Variants in EXOC5 observed in about 807,000 individuals in gnomAD.
EXOC5 encodes the protein exocyst complex component 5.
EXOC5 carries 17 observed loss-of-function variants against 90.8 expected under a neutral mutation model. The observed-to-expected ratio is 0.19, with a 90% confidence interval of 0.13 to 0.28. The LOEUF (loss-of-function observed/expected upper bound fraction) is 0.28, where lower values mean the gene tolerates loss of function less well. Among genes scored for constraint, EXOC5 ranks in the 10% least tolerant of loss-of-function variants. The pLI is 1.00. For missense variants in EXOC5, 569 were observed against 830.6 expected, an observed-to-expected ratio of 0.69 and a Z score of 3.87; for synonymous variants, 260 against 270.0, an observed-to-expected ratio of 0.96 and a Z score of 0.36.
intron 1 of EXOC5, among the ~76,000 whole-genome samples, chr14:57,264,738 G>A (rs1884620135): frequency 2.6e-5 from 4 of 152,212 alleles, no homozygotes; most frequent in Non-Finnish European, 5.9e-5. Flanking sequence ...TTTATCCTCT[G>A]TAGGTAATTC....
rs1882533070 is a variant in EXOC5 at position 57,202,377 on chromosome 14, T to C, written c.*6232A>G. ...ATTAGATAGTAGTAATATGTCAATG[T>C]TAACTTCCCAATTTTCATGTATTGT... On this transcript the variant is annotated 3_prime_UTR_variant, in exon 18 of 18. Transcript: ENST00000621441. 1 of 152,214 alleles carries C rather than the reference T, an allele frequency of 6.6e-6. No homozygotes were observed. The highest frequency in any genetic ancestry group is 1.5e-5 in the Non-Finnish European group (1 of 68,034). The allele number at this position is 152,214 out of a possible 1,614,324, so 9.4% of individuals were successfully genotyped here.
intron 1 of EXOC5, among the ~76,000 whole-genome samples, chr14:57,249,288 A>G (rs1884117152): frequency 6.6e-6 from 1 of 152,114 alleles, no homozygotes; most frequent in Admixed American, 6.6e-5. Context: ...AACTTCATAT[A>G]GTAATCATAT....
chr14:57,206,409 C>A lies in EXOC5; in HGVS notation c.*2200G>T, dbSNP rs1412432816. ...TTTTTTTTTTCCCTCAGAGAAAGAC[C>A]ATCTGTTTAGGATAAATTTCTAGTC... On this transcript the variant is annotated 3_prime_UTR_variant, in exon 18 of 18. Transcript: ENST00000621441. 1 of 154,824 alleles carries A rather than the reference C, an allele frequency of 6.5e-6. No homozygotes were observed. The highest frequency in any genetic ancestry group is 1.4e-5 in the Non-Finnish European group (1 of 70,394). The allele number at this position is 154,824 out of a possible 1,614,324, so 9.6% of individuals were successfully genotyped here.
Position 57,268,879 on chromosome 14 carries a change from A to C in EXOC5, c.-231T>G. 8.9e-7 allele frequency: 1 copy of C among 1,128,222 alleles called. No homozygotes were observed. The highest frequency in any genetic ancestry group is 1.2e-6 in the Non-Finnish European group (1 of 838,616). The allele number at this position is 1,128,222 out of a possible 1,614,324, so 69.9% of individuals were successfully genotyped here. On this transcript the variant is annotated 5_prime_UTR_variant, in exon 1 of 18. An upstream open reading frame in the 5' UTR loses its in-frame stop. Transcript: ENST00000621441. Reference sequence around the variant, plus strand: ...CGCCGCCCGCGCTGCTCCCATTGTCACCGCCTCATACGCCGGAAGTGGAAC... The same window carrying C: ...CGCCGCCCGCGCTGCTCCCATTGTCCCCGCCTCATACGCCGGAAGTGGAAC...
Position 57,207,851 on chromosome 14 carries a change from C to T in EXOC5, c.*758G>A, listed in dbSNP as rs982843540. The T allele has an allele frequency of 2.6e-5, 4 of 151,846 alleles. No homozygotes were observed. Among genetic ancestry groups the T allele is most frequent in the African/African-American group, 7.3e-5 (3 of 41,354 alleles). The allele number at this position is 151,846 out of a possible 1,614,324, so 9.4% of individuals were successfully genotyped here. On this transcript the variant is annotated 3_prime_UTR_variant, in exon 18 of 18. Coordinates refer to ENST00000621441, the MANE Select transcript of EXOC5 (RefSeq NM_006544.4). ...AAGGTCCTCCACCTTAAGTGAAATA[C>T]AAAATAAGGTAGTTTTATTAATTTC...
intron 12 of EXOC5, 69 bp from the exon 13 acceptor site, chr14:57,222,485 C>G: frequency 1.2e-6 from 1 of 815,032 alleles, no homozygotes; most frequent in Non-Finnish European, 2.0e-6. Flanking sequence ...TTTTTTTAAG[C>G]AATCAATTTT....
chr14:57,233,305 T>A (rs1217843285), intron 9 of EXOC5: 4 of 154,620 alleles, frequency 2.6e-5, no homozygotes, highest in African/African-American at 9.6e-5. Flanking sequence ...TAGGAAATGT[T>A]ATCTGAAAGT....
At chr14:57,255,977 A>G (rs1321799503) in intron 1 of EXOC5, among the ~76,000 whole-genome samples, 1 of 152,202 alleles carries the variant, frequency 6.6e-6, no homozygotes, top group Non-Finnish European at 1.5e-5. Context: ...AAGTGGGTTC[A>G]CTTATCATGA....
chr14:57,244,395 G>C, intron 3 of EXOC5, 36 bp from the exon 4 acceptor site: 3 of 1,450,744 alleles, frequency 2.1e-6, no homozygotes, highest in Non-Finnish European at 2.9e-6. Flanking sequence ...AATACAATCA[G>C]TGTGCTCAGT....
chr14:57,262,266 C>G (rs1884524207), intron 1 of EXOC5, among the ~76,000 whole-genome samples: 1 of 152,110 alleles, frequency 6.6e-6, no homozygotes, highest in South Asian at 2.1e-4. Flanking sequence ...AAAAAACCTT[C>G]TGAAGTAGAT....
intron 1 of EXOC5, among the ~76,000 whole-genome samples, chr14:57,256,134 A>T (rs935790904): frequency 6.6e-6 from 1 of 152,154 alleles, no homozygotes; most frequent in South Asian, 2.1e-4. Context: ...TTGTCTCTTT[A>T]TATCTAGGGA....
chr14:57,203,886 C>G lies in EXOC5; in HGVS notation c.*4723G>C, dbSNP rs1014982913. Reference sequence around the variant, plus strand: ...TCAGCAGCATGATGTTGACCATGTTCTAATCCATTCCACCTGCTCAAATAT... The same window carrying G: ...TCAGCAGCATGATGTTGACCATGTTGTAATCCATTCCACCTGCTCAAATAT... On this transcript the variant is annotated 3_prime_UTR_variant, in exon 18 of 18. Coordinates refer to ENST00000621441, the MANE Select transcript of EXOC5 (RefSeq NM_006544.4). 4.6e-5 allele frequency: 7 copies of G among 152,566 alleles called. No homozygotes were observed. The highest frequency in any genetic ancestry group is 1.2e-4 in the African/African-American group (5 of 41,428). The allele number at this position is 152,566 out of a possible 1,614,324, so 9.5% of individuals were successfully genotyped here.
intron 1 of EXOC5, among the ~76,000 whole-genome samples, chr14:57,263,799 G>T (rs1385115216): frequency 1.3e-5 from 2 of 149,674 alleles, no homozygotes; most frequent in Admixed American, 6.7e-5. Flanking sequence ...AACTCCTATG[G>T]TCTCAATGCC....
chr14:57,237,286 C>A, intron 6 of EXOC5, 52 bp downstream of exon 6: 1 of 934,886 alleles, frequency 1.1e-6, no homozygotes, highest in Non-Finnish European at 1.7e-6. Flanking sequence ...TATTTTTACA[C>A]AAGTAGTTTT....
intron 1 of EXOC5, among the ~76,000 whole-genome samples, chr14:57,252,454 T>C (rs1432943504): frequency 3.3e-5 from 5 of 152,050 alleles, no homozygotes; most frequent in Non-Finnish European, 7.4e-5. Flanking sequence ...GAAAACAACC[T>C]GGATTTTAAA....
chr14:57,227,296 T>C (rs932228549), intron 12 of EXOC5, among the ~76,000 whole-genome samples: 1 of 152,146 alleles, frequency 6.6e-6, no homozygotes, highest in Non-Finnish European at 1.5e-5. Context: ...AAAAAAACCA[T>C]ATGATTCAGT....
intron 13 of EXOC5, among the ~76,000 whole-genome samples, chr14:57,221,697 T>G (rs574539664): frequency 5.9e-5 from 9 of 152,200 alleles, no homozygotes; most frequent in African/African-American, 2.2e-4. Context: ...AAAACTGACA[T>G]ACAATAATCA....
intron 10 of EXOC5, chr14:57,231,919 G>A (rs1883500227): frequency 4.4e-6 from 2 of 451,366 alleles, no homozygotes; most frequent in Non-Finnish European, 7.8e-6. Flanking sequence ...CAACTTTACG[G>A]TTTTGAGAAC....
chr14:57,237,247 T>C, intron 6 of EXOC5, 91 bp downstream of exon 6: 1 of 745,388 alleles, frequency 1.3e-6, no homozygotes, highest in Non-Finnish European at 2.4e-6. Context: ...AAGATGACAT[T>C]GTTCCTGCTT....
Sources: allele counts gnomAD v4.1 joint callset (sites outside exome capture counted in the v4.1 genomes callset), GRCh38; gene constraint gnomAD v4.1.1; transcripts MANE v1.5; gene names NCBI Gene and HGNC (gene_info 2026-07-23, HGNC 2026-07-21).